Variants in RFC3 observed in about 807,000 individuals in gnomAD.
RFC3 encodes A1 38 kDa subunit.
A neutral mutation model predicts 45.1 loss-of-function variants in RFC3; 41 were observed. That is an observed-to-expected ratio of 0.91 (90% CI 0.71 to 1.18). The LOEUF is 1.18. Ranked by LOEUF, RFC3 falls within the 50% of genes most tolerant of loss-of-function variation. RFC3 has a pLI of 0.00. For synonymous variants in RFC3, 149 were observed against 144.0 expected, an observed-to-expected ratio of 1.03 and a Z score of -0.25; for missense variants, 423 against 428.1, an observed-to-expected ratio of 0.99 and a Z score of 0.10.
At chr13:33,902,899 C>T (rs1046054629) in intron 8 of RFC3, among the ~76,000 whole-genome samples, 3 of 148,542 alleles carry the variant, frequency 2.0e-5, no homozygotes, top group East Asian at 2.0e-4. Context: ...AATACCCTAA[C>T]GATAGCTGAT....
chr13:33,959,622 T>C (rs1421233042), intron 8 of RFC3, among the ~76,000 whole-genome samples: 5 of 152,196 alleles, frequency 3.3e-5, no homozygotes, highest in East Asian at 1.9e-4. Context: ...GTTGTACTTA[T>C]TTATTGTTAG....
intron 8 of RFC3, among the ~76,000 whole-genome samples, chr13:33,882,193 C>T (rs2082489569): frequency 6.6e-6 from 1 of 152,154 alleles, no homozygotes; most frequent in Admixed American, 6.5e-5. Flanking sequence ...ATTATCAAAA[C>T]CTGAAAACTG....
intron 4 of RFC3, among the ~76,000 whole-genome samples, chr13:33,827,203 T>C: frequency 6.6e-6 from 1 of 152,178 alleles, no homozygotes; most frequent in East Asian, 1.9e-4. Context: ...GCAGGAGGAT[T>C]GCTTGAGCCC....
intron 8 of RFC3, among the ~76,000 whole-genome samples, chr13:33,895,716 T>A (rs1038001319): frequency 6.6e-6 from 1 of 152,208 alleles, no homozygotes; most frequent in Non-Finnish European, 1.5e-5. Context: ...ATATGTTTAC[T>A]TCAGCACAAT....
chr13:33,821,037 A>T (rs2081997970), intron 1 of RFC3, 95 bp from the exon 2 acceptor site: 1 of 1,263,034 alleles, frequency 7.9e-7, no homozygotes, highest in African/African-American at 1.5e-5. Context: ...TTTCATGGGT[A>T]GACACATAAA....
chr13:33,973,629 C>G, the RFC3 span, among the ~76,000 whole-genome samples: 2 of 151,120 alleles, frequency 1.3e-5, no homozygotes, highest in African/African-American at 2.4e-5. Context: ...CTCCTTCTCC[C>G]TCTCCCTCTC....
chr13:33,968,473 G>A (rs1395140584), downstream of RFC3, among the ~76,000 whole-genome samples: 1 of 152,192 alleles, frequency 6.6e-6, no homozygotes, highest in Non-Finnish European at 1.5e-5. Flanking sequence ...GGATCAGATG[G>A]TAATTTAACT....
At chr13:33,847,995 A>G (rs143759551) in intron 8 of RFC3, 2 of 152,346 alleles carry the variant, frequency 1.3e-5, no homozygotes, top group Admixed American at 6.5e-5. Flanking sequence ...TCTGCTGCTC[A>G]TAAGATTCTC....
At chr13:33,936,533 A>G (rs911883959) in intron 8 of RFC3, among the ~76,000 whole-genome samples, 1 of 152,120 alleles carries the variant, frequency 6.6e-6, no homozygotes, top group Admixed American at 6.5e-5. Flanking sequence ...ATATGACTGA[A>G]AAAAGGGGAA....
At chr13:33,945,627 C>T (rs1156283912) in intron 8 of RFC3, among the ~76,000 whole-genome samples, 8 of 152,134 alleles carry the variant, frequency 5.3e-5, no homozygotes, top group Non-Finnish European at 1.0e-4. Flanking sequence ...AATACAGACC[C>T]ACAGACCCCA....
At chr13:33,918,950 C>G (rs1002021615) in intron 8 of RFC3, among the ~76,000 whole-genome samples, 1 of 152,184 alleles carries the variant, frequency 6.6e-6, no homozygotes, top group Non-Finnish European at 1.5e-5. Context: ...CTCTGTAATT[C>G]GAAGTGATCA....
At chr13:33,895,527 T>A (rs758726893) in intron 8 of RFC3, among the ~76,000 whole-genome samples, 3 of 152,204 alleles carry the variant, frequency 2.0e-5, no homozygotes, top group Non-Finnish European at 4.4e-5. Context: ...GGAACGCTTA[T>A]ACACTGCTAG....
chr13:33,843,184 T>A (rs1427232855), intron 8 of RFC3, among the ~76,000 whole-genome samples: 2 of 147,034 alleles, frequency 1.4e-5, no homozygotes. Flanking sequence ...GATGAACAGA[T>A]TTCTCTAGCT....
At chr13:33,831,754 A>C (rs2082107047) in intron 7 of RFC3, among the ~76,000 whole-genome samples, 1 of 152,196 alleles carries the variant, frequency 6.6e-6, no homozygotes, top group African/African-American at 2.4e-5. Flanking sequence ...CCAGACTATA[A>C]GTCAGACTTC....
chr13:33,939,714 C>G (rs1226402789), intron 8 of RFC3, among the ~76,000 whole-genome samples: 2 of 152,274 alleles, frequency 1.3e-5, no homozygotes, highest in African/African-American at 4.8e-5. Flanking sequence ...CGGGAACAGT[C>G]TTGTCCTGTC....
chr13:33,895,917 A>G (rs1268654000), intron 8 of RFC3, among the ~76,000 whole-genome samples: 1 of 152,176 alleles, frequency 6.6e-6, no homozygotes, highest in African/African-American at 2.4e-5. Flanking sequence ...ATGGAAAACC[A>G]AATACCATAT....
downstream of RFC3, among the ~76,000 whole-genome samples, chr13:33,842,242 C>T (rs890250262): frequency 9.9e-5 from 15 of 151,532 alleles, no homozygotes; most frequent in African/African-American, 2.9e-4. Context: ...GGGCTATGAT[C>T]GTGCCACTGC....
In RFC3 at chr13:33,826,380, A is replaced by G. The variant is rs188515163; in HGVS notation, c.391+494A>G. On this transcript the variant is annotated intron_variant, in intron 4 of 8. Coordinates refer to ENST00000380071, the MANE Select transcript of RFC3 (RefSeq NM_002915.4). ...GAGGGTATAGATTTATACTACCAATAGCAGTGTTTGGGAGTGCTCATTTCT... is the reference window on the plus strand; with the variant it reads ...GAGGGTATAGATTTATACTACCAATGGCAGTGTTTGGGAGTGCTCATTTCT... Among the ~76,000 whole-genome samples the G allele has an allele frequency of 6.8e-4, 104 of 152,312 alleles. 1 individual carries two copies. The highest frequency in any genetic ancestry group is 6.3e-3 in the Admixed American group (97 of 15,302).
At chr13:33,886,692 G>A (rs1469068257) in intron 8 of RFC3, among the ~76,000 whole-genome samples, 1 of 148,046 alleles carries the variant, frequency 6.8e-6, no homozygotes, top group Non-Finnish European at 1.5e-5. Flanking sequence ...GTGCAGGTTA[G>A]TTACATATGT....
Sources: allele counts gnomAD v4.1 joint callset (sites outside exome capture counted in the v4.1 genomes callset), GRCh38; gene constraint gnomAD v4.1.1; transcripts MANE v1.5; gene names NCBI Gene and HGNC (gene_info 2026-07-23, HGNC 2026-07-21).